Variants in ELMO1 observed in about 807,000 individuals in gnomAD.
ELMO1 encodes engulfment and cell motility 1, also known as engulfment and cell motility protein 1.
A neutral mutation model predicts 98.9 loss-of-function variants in ELMO1; 26 were observed. That is an observed-to-expected ratio of 0.26 (90% CI 0.19 to 0.36). The LOEUF (loss-of-function observed/expected upper bound fraction) is 0.36. Among genes scored for constraint, ELMO1 ranks in the 10% least tolerant of loss-of-function variants. The pLI is 1.00. For missense variants in ELMO1, 627 were observed against 935.2 expected (o/e 0.67, Z 4.30); for synonymous variants, 346 against 346.0 (o/e 1.00, Z 0.00).
chr7:37,213,547 C>T lies in ELMO1; in HGVS notation c.832-90G>A, dbSNP rs552206712. ...CACTCAAGAAGGCTCTCACAGTCTTCACTGGGAGGTATAAGGAATGGAGAA... is the reference window on the plus strand; with the variant it reads ...CACTCAAGAAGGCTCTCACAGTCTTTACTGGGAGGTATAAGGAATGGAGAA... On this transcript the variant is annotated intron_variant, in intron 11 of 21. Transcript: ENST00000310758. 659 of 1,245,334 alleles carry T rather than the reference C, an allele frequency of 5.3e-4. 12 individuals carry two copies. The South Asian group carries it at 9.2e-3, about 17-fold the overall frequency. 77.1% of individuals were successfully genotyped at this position (1,245,334 alleles called of 1,614,324 possible). A position where few individuals can be genotyped will look rare whatever the true frequency, so the allele number is the denominator to read the frequency against.
intron 1 of ELMO1, chr7:37,375,668 T>C (rs1488805469): frequency 8.0e-7 from 1 of 1,247,474 alleles, no homozygotes; most frequent in Non-Finnish European, 1.2e-6. Context: ...ATGAAGGCCA[T>C]GCAGTCTCTC....
intron 13 of ELMO1, among the ~76,000 whole-genome samples, chr7:37,134,157 C>T (rs1296957408): frequency 1.3e-5 from 2 of 152,122 alleles, no homozygotes; most frequent in Admixed American, 6.5e-5. Flanking sequence ...TGCTTATATA[C>T]TGTTGATGGG....
At chr7:37,313,010 C>A (rs1054533360) in intron 4 of ELMO1, among the ~76,000 whole-genome samples, 1 of 152,206 alleles carries the variant, frequency 6.6e-6, no homozygotes, top group African/African-American at 2.4e-5. Context: ...TAACTGCTAT[C>A]ATTTAACTTG....
At position 37,375,746 on chromosome 7, in the gene ELMO1, G is replaced by A. The variant is rs185947166; in HGVS notation, c.-73-32983C>T. On this transcript the variant is annotated intron_variant, in intron 1 of 21. Coordinates refer to ENST00000310758, the MANE Select transcript of ELMO1 (RefSeq NM_014800.11). ...TTCTACTGGTACCTTACCAATGAGG[G>A]TATCCAGTATCTCAGTGATTACCTT... The A allele has an allele frequency of 7.8e-4, 912 of 1,172,214 alleles. 16 individuals carry two copies. In the South Asian group the frequency reaches 0.011, roughly 14 times the overall value. The allele number at this position is 1,172,214 out of a possible 1,614,324, so 72.6% of individuals were successfully genotyped here. A position where few individuals can be genotyped will look rare whatever the true frequency, so the allele number is the denominator to read the frequency against.
chr7:37,013,214 G>T, intron 16 of ELMO1, 85 bp downstream of exon 16: 2 of 1,507,234 alleles, frequency 1.3e-6, no homozygotes, highest in Non-Finnish European at 9.0e-7. Context: ...CTTGCCAATT[G>T]CCTTCTGCAC....
At chr7:37,190,040 C>CAA (rs34898853) in intron 13 of ELMO1, among the ~76,000 whole-genome samples, 67,651 of 135,592 alleles carry the variant, frequency 0.5, 17,749 homozygotes, top group East Asian at 0.7. Flanking sequence ...TTGTCCCTAC[C>CAA]AAAAAAAAAA....
At position 36,870,994 on chromosome 7, in the gene ELMO1, AACTCTC is replaced by A. The variant is rs1200243987; in HGVS notation, c.1823-525_1823-520del. 6.6e-6 allele frequency among the ~76,000 whole-genome samples: 1 copy of A among 152,246 alleles called. No homozygotes were observed. The highest frequency in any genetic ancestry group is 6.5e-5 in the Admixed American group (1 of 15,292). On this transcript the variant is annotated intron_variant, in intron 19 of 21. Transcript: ENST00000310758. This position sits in a 1 kb window ranked among gnomAD's most constrained non-coding sequence, Gnocchi z 4.4. ...ATTTATCCAACTCTAAACAGTTCTGAACTCTCACTCTCCAAAATCTCTTTCTCTGCC... is the reference window on the plus strand; with the variant it reads ...ATTTATCCAACTCTAAACAGTTCTGAACTCTCCAAAATCTCTTTCTCTGCC...
At chr7:37,193,073 T>C (rs967158242) in intron 13 of ELMO1, among the ~76,000 whole-genome samples, 5 of 149,212 alleles carry the variant, frequency 3.4e-5, no homozygotes, top group African/African-American at 7.4e-5. Context: ...AAACAAAACA[T>C]TGCAGATGTG....
intron 10 of ELMO1, among the ~76,000 whole-genome samples, chr7:37,218,876 T>G (rs1793439331): frequency 6.6e-6 from 1 of 152,228 alleles, no homozygotes; most frequent in South Asian, 2.1e-4. Context: ...AGTCAGTATT[T>G]TCTGATTTTT....
intron 16 of ELMO1, among the ~76,000 whole-genome samples, chr7:36,987,651 C>T (rs1240408585): frequency 6.6e-6 from 1 of 152,206 alleles, no homozygotes; most frequent in Non-Finnish European, 1.5e-5. Context: ...CCAAGCTGAA[C>T]TATCCATCTA....
intron 18 of ELMO1, 143 bp downstream of exon 18, chr7:36,887,417 C>T: frequency 1.5e-6 from 1 of 649,316 alleles, no homozygotes; most frequent in South Asian, 2.2e-5. Flanking sequence ...GCATGGGAAC[C>T]AGAAACGACC....
intron 1 of ELMO1, among the ~76,000 whole-genome samples, chr7:37,370,351 A>T (rs923091676): frequency 6.6e-6 from 1 of 151,938 alleles, no homozygotes; most frequent in African/African-American, 2.4e-5. Flanking sequence ...TTAAGCATCA[A>T]CCATCTGGTT....
intron 4 of ELMO1, among the ~76,000 whole-genome samples, chr7:37,284,303 A>G (rs1797284424): frequency 6.6e-6 from 1 of 152,214 alleles, no homozygotes; most frequent in African/African-American, 2.4e-5. Flanking sequence ...ATAAACAAAG[A>G]GGAAACATTT....
intron 1 of ELMO1, among the ~76,000 whole-genome samples, chr7:37,391,533 C>G (rs1803077227): frequency 6.6e-6 from 1 of 152,200 alleles, no homozygotes. Context: ...GTAAGCCAGT[C>G]TATATATGTA....
chr7:37,015,430 G>A (rs1378207803), intron 15 of ELMO1, among the ~76,000 whole-genome samples: 2 of 152,024 alleles, frequency 1.3e-5, no homozygotes, highest in Non-Finnish European at 2.9e-5. Flanking sequence ...CTGAAATCCT[G>A]TCTCTACTAA....
intron 15 of ELMO1, among the ~76,000 whole-genome samples, chr7:37,038,278 C>A (rs901581413): frequency 6.6e-6 from 1 of 152,184 alleles, no homozygotes; most frequent in Admixed American, 6.5e-5. Context: ...ACTTGGCTCC[C>A]ACCTAAGGGG....
chr7:37,401,825 A>C (rs1048168890), intron 1 of ELMO1, among the ~76,000 whole-genome samples: 2 of 152,216 alleles, frequency 1.3e-5, no homozygotes, highest in African/African-American at 4.8e-5. Context: ...GCACACAGTC[A>C]AGCCATATGA....
Position 36,854,305 on chromosome 7 carries a change from C to G in ELMO1, c.*1246G>C, listed in dbSNP as rs922380381. 3 of 152,152 alleles carry G rather than the reference C, an allele frequency of 2.0e-5. No homozygotes were observed. Among genetic ancestry groups the G allele is most frequent in the Non-Finnish European group, 4.4e-5 (3 of 68,026 alleles). 9.4% of individuals were successfully genotyped at this position (152,152 alleles called of 1,614,324 possible). ...ATCTCCAACAAGCTCCCAGGTGATGCTGATGACTGAGTAGCAAGAACCTAA... is the reference window on the plus strand; with the variant it reads ...ATCTCCAACAAGCTCCCAGGTGATGGTGATGACTGAGTAGCAAGAACCTAA... On this transcript the variant is annotated 3_prime_UTR_variant, in exon 22 of 22. Coordinates refer to ENST00000310758, the MANE Select transcript of ELMO1 (RefSeq NM_014800.11).
At chr7:37,289,807 A>T (rs1797583360) in intron 4 of ELMO1, among the ~76,000 whole-genome samples, 1 of 151,866 alleles carries the variant, frequency 6.6e-6, no homozygotes, top group South Asian at 2.1e-4. Context: ...TTAAAATCTG[A>T]GGCTTTTCTG....
Sources: gnomAD v4.1 joint callset for allele counts (sites outside exome capture counted in the v4.1 genomes callset) on GRCh38, gnomAD v4.1.1 for gene constraint, Gnocchi (gnomAD v3.1) non-coding constraint, MANE v1.5 for transcripts, NCBI Gene and HGNC (gene_info 2026-07-23, HGNC 2026-07-21) for gene names.